The following ADGRL2 variants were observed in gnomAD, a reference collection of about 807,000 sequenced individuals.
The protein encoded by ADGRL2 is calcium-independent alpha-latrotoxin receptor 2.
A neutral mutation model predicts 157.4 loss-of-function variants in ADGRL2; 44 were observed. That is an observed-to-expected ratio of 0.28 (90% CI 0.22 to 0.36). The LOEUF is 0.36. ADGRL2 is among the 10% of genes least tolerant of loss of function. The pLI is 1.00. For synonymous variants in ADGRL2, 585 were observed against 624.7 expected (o/e 0.94, Z 0.95); for missense variants, 1,510 against 1,768.9 (o/e 0.85, Z 2.63).
intron 1 of ADGRL2, among the ~76,000 whole-genome samples, chr1:81,759,618 A>G (rs61775260): frequency 0.14 from 21,677 of 152,072 alleles, 1,813 homozygotes; most frequent in South Asian, 0.21. Flanking sequence ...TTGTCCAACA[A>G]TGTAGATGTT....
chr1:81,380,097 C>G (rs574887627), intron 1 of ADGRL2, among the ~76,000 whole-genome samples: 1 of 152,294 alleles, frequency 6.6e-6, no homozygotes, highest in African/African-American at 2.4e-5. Flanking sequence ...AAGACTCAAA[C>G]GGCTTCTTTT....
chr1:81,734,137 A>G (rs531123865), intron 1 of ADGRL2, among the ~76,000 whole-genome samples: 1 of 151,302 alleles, frequency 6.6e-6, no homozygotes, highest in African/African-American at 2.4e-5. Flanking sequence ...TTAGCCAGGC[A>G]TGGTGGTGCA....
chr1:81,424,215 G>A (rs931346723), intron 1 of ADGRL2, among the ~76,000 whole-genome samples: 3 of 152,154 alleles, frequency 2.0e-5, no homozygotes, highest in African/African-American at 7.2e-5. Flanking sequence ...GCATCACTCT[G>A]CAACTGCCAT....
chr1:81,873,440 A>G (rs2093749724), intron 2 of ADGRL2, among the ~76,000 whole-genome samples: 1 of 152,096 alleles, frequency 6.6e-6, no homozygotes. Flanking sequence ...CTTTGACAGT[A>G]AAGAGGTAAT....
chr1:81,572,864 A>C lies in ADGRL2; in HGVS notation c.-247-8012A>C, dbSNP rs189983589. Among the ~76,000 whole-genome samples, 332 of 151,586 alleles carry C rather than the reference A, an allele frequency of 2.2e-3. 2 individuals carry two copies. The highest frequency in any genetic ancestry group is 7.4e-3 in the African/African-American group (307 of 41,308). On this transcript the variant is annotated intron_variant, in intron 2 of 24. Transcript: ENST00000370721. The stretch of plus-strand genomic sequence containing the variant: ...GCAAATATGATTTGCAGTGTTTTGA[A>C]ATGTATTTGATAAGGGTATGCTTTT...
At chr1:81,973,598 T>A (rs1403996100) in intron 17 of ADGRL2, among the ~76,000 whole-genome samples, 2 of 152,222 alleles carry the variant, frequency 1.3e-5, no homozygotes, top group Non-Finnish European at 2.9e-5. Context: ...ATTTTCAACA[T>A]ACTCAGCTTT....
intron 2 of ADGRL2, among the ~76,000 whole-genome samples, chr1:81,904,997 C>T (rs1008719619): frequency 5.3e-5 from 8 of 151,986 alleles, no homozygotes; most frequent in South Asian, 2.1e-4. Flanking sequence ...CATATTCGAA[C>T]GATAGCAAGT....
chr1:81,615,204 A>G (rs547833407), intron 3 of ADGRL2, among the ~76,000 whole-genome samples: 31 of 152,274 alleles, frequency 2.0e-4, no homozygotes, highest in African/African-American at 7.2e-4. Flanking sequence ...CTCTGTATCT[A>G]GCTAAAGGAC....
chr1:81,833,652 T>C (rs931620049), intron 1 of ADGRL2, among the ~76,000 whole-genome samples: 1 of 152,234 alleles, frequency 6.6e-6, no homozygotes, highest in Non-Finnish European at 1.5e-5. Context: ...TTAAAATTAG[T>C]TAGCGGTGTT....
intron 1 of ADGRL2, among the ~76,000 whole-genome samples, chr1:81,718,093 C>T (rs553796264): frequency 6.6e-6 from 1 of 152,298 alleles, no homozygotes; most frequent in African/African-American, 2.4e-5. Context: ...CATCTCGGCT[C>T]ACTCCAACCT....
At position 81,927,491 on chromosome 1, in the gene ADGRL2, A is replaced by T. The variant is rs530456991; in HGVS notation, c.288-9237A>T. Among the ~76,000 whole-genome samples the T allele has an allele frequency of 6.6e-5, 10 of 152,122 alleles. No homozygotes were observed. The South Asian group carries it at 2.1e-3, about 32-fold the overall frequency. On this transcript the variant is annotated intron_variant, in intron 3 of 23. Transcript: ENST00000686636. ...AAAGTAGAAAATTGAATGTAATAAAAATTATATTGTTTATTTTTCCCAAAT... is the reference window on the plus strand; with the variant it reads ...AAAGTAGAAAATTGAATGTAATAAATATTATATTGTTTATTTTTCCCAAAT...
chr1:81,324,140 A>G (rs1660721755), intron 1 of ADGRL2, among the ~76,000 whole-genome samples: 1 of 152,170 alleles, frequency 6.6e-6, no homozygotes. Context: ...TTGTAGTGGG[A>G]AAGACAGAGA....
intron 1 of ADGRL2, among the ~76,000 whole-genome samples, chr1:81,361,610 A>C (rs1315325613): frequency 6.6e-6 from 1 of 151,930 alleles, no homozygotes; most frequent in Non-Finnish European, 1.5e-5. Flanking sequence ...AAAGTATGTT[A>C]ATTTTGAATT....
intron 3 of ADGRL2, among the ~76,000 whole-genome samples, chr1:81,693,458 G>C (rs953644236): frequency 6.6e-6 from 1 of 152,178 alleles, no homozygotes; most frequent in African/African-American, 2.4e-5. Flanking sequence ...CGTCTGCACT[G>C]GATTGACTTT....
chr1:81,364,484 C>A (rs1196587335), intron 1 of ADGRL2, among the ~76,000 whole-genome samples: 1 of 149,248 alleles, frequency 6.7e-6, no homozygotes, highest in Non-Finnish European at 1.5e-5. Flanking sequence ...TGAACCCAAC[C>A]ATTCCTGACA....
At chr1:81,620,681 A>C (rs1417253589) in intron 3 of ADGRL2, among the ~76,000 whole-genome samples, 2 of 152,252 alleles carry the variant, frequency 1.3e-5, no homozygotes, top group East Asian at 3.8e-4. Flanking sequence ...CTTTAGAATA[A>C]TAGGAGAGAA....
intron 2 of ADGRL2, among the ~76,000 whole-genome samples, chr1:81,782,413 AT>A (rs1330847043): frequency 1.3e-5 from 2 of 152,202 alleles, no homozygotes; most frequent in Non-Finnish European, 2.9e-5. Flanking sequence ...GCCAGAATTC[AT>A]TTTTTGGTCT....
chr1:81,435,232 C>T (rs1029267942), intron 1 of ADGRL2, among the ~76,000 whole-genome samples: 1 of 152,150 alleles, frequency 6.6e-6, no homozygotes, highest in Admixed American at 6.5e-5. Context: ...TTCTGCTTCA[C>T]CAGCAACTGA....
At chr1:81,358,687 C>A (rs182248615) in intron 1 of ADGRL2, among the ~76,000 whole-genome samples, 1 of 152,144 alleles carries the variant, frequency 6.6e-6, no homozygotes, top group African/African-American at 2.4e-5. Flanking sequence ...TTCCAAAATT[C>A]TTGTCACTTT....
Sources: allele counts gnomAD v4.1 joint callset (sites outside exome capture counted in the v4.1 genomes callset), GRCh38; gene constraint gnomAD v4.1.1; transcripts MANE v1.5; gene names NCBI Gene and HGNC (gene_info 2026-07-23, HGNC 2026-07-21).